The following TBL1XR1 variants were observed in gnomAD, a reference collection of about 807,000 sequenced individuals.
TBL1XR1 encodes the protein TBL1X/Y related 1.
A neutral mutation model predicts 66.9 loss-of-function variants in TBL1XR1; 5 were observed. That is an observed-to-expected ratio of 0.07 (90% CI 0.04 to 0.16). TBL1XR1 has a LOEUF of 0.16. Among genes scored for constraint, TBL1XR1 ranks in the 10% least tolerant of loss-of-function variants. The probability of loss-of-function intolerance (pLI) is 1.00; values close to 1 mark genes in which losing one functional copy is unlikely to be tolerated. For missense variants in TBL1XR1, 238 were observed against 623.2 expected (o/e 0.38, Z 6.58); for synonymous variants, 210 against 206.0 (o/e 1.02, Z -0.17).
At chr3:177,193,108 G>A (rs1268057120) in intron 1 of TBL1XR1, among the ~76,000 whole-genome samples, 6 of 151,720 alleles carry the variant, frequency 4.0e-5, no homozygotes, top group South Asian at 4.2e-4. Context: ...AGCCGAGATC[G>A]CGCCACTGCA....
At chr3:177,093,693 G>A (rs62298937) in intron 2 of TBL1XR1, among the ~76,000 whole-genome samples, 9,706 of 152,156 alleles carry the variant, frequency 0.064, 417 homozygotes, top group South Asian at 0.18. Flanking sequence ...ACTGATCTTC[G>A]ACAAAGCTAA....
At chr3:177,167,574 G>A (rs1201767073) in intron 1 of TBL1XR1, among the ~76,000 whole-genome samples, 1 of 152,162 alleles carries the variant, frequency 6.6e-6, no homozygotes, top group Non-Finnish European at 1.5e-5. Context: ...GAGGCAGAGG[G>A]TATGGAAAAC....
chr3:177,124,896 A>G (rs1727422778), intron 1 of TBL1XR1, among the ~76,000 whole-genome samples: 1 of 152,132 alleles, frequency 6.6e-6, no homozygotes, highest in South Asian at 2.1e-4. Context: ...ATGAATTTAG[A>G]ACCCTACTTC....
upstream of TBL1XR1, among the ~76,000 whole-genome samples, chr3:177,200,213 C>G (rs900177136): frequency 6.6e-6 from 1 of 152,130 alleles, no homozygotes; most frequent in Non-Finnish European, 1.5e-5. Flanking sequence ...CTCAAGTCAT[C>G]TGCCTGCCTC....
intron 14 of TBL1XR1, among the ~76,000 whole-genome samples, chr3:177,028,021 C>A (rs933860918): frequency 6.6e-6 from 1 of 152,116 alleles, no homozygotes; most frequent in South Asian, 2.1e-4. Context: ...AAAGCACTTA[C>A]CAATCTCTAA....
chr3:177,041,344 A>G (rs1434473664), intron 10 of TBL1XR1, among the ~76,000 whole-genome samples: 1 of 152,172 alleles, frequency 6.6e-6, no homozygotes, highest in East Asian at 1.9e-4. Flanking sequence ...CCTTGGTTCA[A>G]TGTAAGAAAA....
intron 6 of TBL1XR1, 85 bp downstream of exon 6, chr3:177,050,393 A>G (rs1716898035): frequency 2.7e-6 from 4 of 1,496,318 alleles, no homozygotes; most frequent in Non-Finnish European, 3.6e-6. Flanking sequence ...CTAAGCAACA[A>G]CAGAAAACCT....
intron 1 of TBL1XR1, among the ~76,000 whole-genome samples, chr3:177,127,948 G>A (rs1344177106): frequency 6.6e-6 from 1 of 152,204 alleles, no homozygotes; most frequent in Non-Finnish European, 1.5e-5. Context: ...GCCGGGCGCA[G>A]TGGCTCACGC....
chr3:177,022,236 C>T lies in TBL1XR1; in HGVS notation c.*3262G>A, dbSNP rs1712476036. Reference sequence around the variant, plus strand: ...TTCATGTATTTCAATCTAGTGATTACTTTTTGCACCATAATTTGTTTTTTA... The same window carrying T: ...TTCATGTATTTCAATCTAGTGATTATTTTTTGCACCATAATTTGTTTTTTA... On this transcript the variant is annotated 3_prime_UTR_variant, in exon 16 of 16. Coordinates refer to ENST00000457928, the MANE Select transcript of TBL1XR1 (RefSeq NM_024665.7). 6.6e-6 allele frequency: 1 copy of T among 152,484 alleles called. No individual in the cohort carries two copies. Among genetic ancestry groups the T allele is most frequent in the Non-Finnish European group, 1.5e-5 (1 of 67,976 alleles). 9.4% of individuals were successfully genotyped at this position (152,484 alleles called of 1,614,324 possible).
Position 177,098,526 on chromosome 3 carries a change from G to C in TBL1XR1, c.-106C>G, listed in dbSNP as rs1225827245. 2 of 985,872 alleles carry C rather than the reference G, an allele frequency of 2.0e-6. No individual in the cohort carries two copies. The highest frequency in any genetic ancestry group is 1.1e-4 in the East Asian group (1 of 8,816). 61.1% of individuals were successfully genotyped at this position (985,872 alleles called of 1,614,324 possible). Reference sequence around the variant, plus strand: ...AATATCCGGTCACCGCCAATCACAAGTTGCTGTTGTTGATGCTGAGGAAAA... The same window carrying C: ...AATATCCGGTCACCGCCAATCACAACTTGCTGTTGTTGATGCTGAGGAAAA... On this transcript the variant is annotated 5_prime_UTR_variant, in exon 2 of 16. Transcript: ENST00000457928.
intron 1 of TBL1XR1, among the ~76,000 whole-genome samples, chr3:177,142,404 G>A (rs1165280595): frequency 1.3e-5 from 2 of 152,144 alleles, no homozygotes; most frequent in Non-Finnish European, 2.9e-5. Flanking sequence ...TTCTAGAAGT[G>A]GGGTAACGTC....
intron 1 of TBL1XR1, among the ~76,000 whole-genome samples, chr3:177,179,478 T>C (rs151328492): frequency 3.1e-4 from 47 of 152,348 alleles, no homozygotes; most frequent in Non-Finnish European, 5.6e-4. Flanking sequence ...TCTGTTTTAT[T>C]CTAACTAAAT....
intron 1 of TBL1XR1, among the ~76,000 whole-genome samples, chr3:177,190,610 A>G (rs2109005968): frequency 6.6e-6 from 1 of 152,284 alleles, no homozygotes; most frequent in African/African-American, 2.4e-5. Flanking sequence ...GGGCCACCGT[A>G]CCCAGTCAAA....
chr3:177,160,229 T>A (rs1388279607), intron 1 of TBL1XR1, among the ~76,000 whole-genome samples: 2 of 151,956 alleles, frequency 1.3e-5, no homozygotes, highest in Non-Finnish European at 2.9e-5. Context: ...TCCCAGCACT[T>A]TGGGAGGACG....
At chr3:177,030,871 G>C (rs911815439) in intron 14 of TBL1XR1, among the ~76,000 whole-genome samples, 17 of 152,288 alleles carry the variant, frequency 1.1e-4, no homozygotes, top group Admixed American at 1.1e-3. Flanking sequence ...CAGCACTTTG[G>C]GAGGCCAAGG....
chr3:177,187,943 C>CTTTTTTTTTTTT (rs571361204), intron 1 of TBL1XR1, among the ~76,000 whole-genome samples: 2 of 77,838 alleles, frequency 2.6e-5, no homozygotes, highest in African/African-American at 6.6e-5. Flanking sequence ...GTACAATTTC[C>CTTTTTTTTTTTT]TTTTTTTTTT....
intron 1 of TBL1XR1, among the ~76,000 whole-genome samples, chr3:177,154,434 T>C (rs1296996168): frequency 1.3e-5 from 2 of 152,164 alleles, no homozygotes; most frequent in African/African-American, 4.8e-5. Context: ...TTTGCTCTTG[T>C]TGCCCAGACT....
At chr3:177,106,332 CAAGG>C (rs1464802624) in intron 1 of TBL1XR1, among the ~76,000 whole-genome samples, 1 of 152,168 alleles carries the variant, frequency 6.6e-6, no homozygotes, top group Non-Finnish European at 1.5e-5. Context: ...TGTGATTCAT[CAAGG>C]AAGTTCTAGT....
chr3:177,063,926 T>C (rs1718831664), intron 3 of TBL1XR1, among the ~76,000 whole-genome samples: 1 of 152,142 alleles, frequency 6.6e-6, no homozygotes, highest in Admixed American at 6.5e-5. Flanking sequence ...TGGGAACATC[T>C]CAGCAAGCAA....
Sources: allele counts gnomAD v4.1 joint callset (sites outside exome capture counted in the v4.1 genomes callset), GRCh38; gene constraint gnomAD v4.1.1; transcripts MANE v1.5; gene names NCBI Gene and HGNC (gene_info 2026-07-23, HGNC 2026-07-21).